PRKCA: variants seen among roughly 807,000 people sequenced by gnomAD.
The protein encoded by PRKCA is protein kinase C alpha type.
A neutral mutation model predicts 87.0 loss-of-function variants in PRKCA; 27 were observed. The observed-to-expected ratio is 0.31, with a 90% confidence interval of 0.23 to 0.43. The LOEUF (loss-of-function observed/expected upper bound fraction) is 0.43, where lower values mean the gene tolerates loss of function less well. Ranked by LOEUF, PRKCA falls within the 20% of genes least tolerant of loss-of-function variation. The pLI is 1.00. For missense variants in PRKCA, 518 were observed against 852.3 expected, an observed-to-expected ratio of 0.61 and a Z score of 4.88; for synonymous variants, 329 against 311.1, an observed-to-expected ratio of 1.06 and a Z score of -0.61.
chr17:66,340,339 T>C (rs1906965654), intron 2 of PRKCA, among the ~76,000 whole-genome samples: 1 of 151,566 alleles, frequency 6.6e-6, no homozygotes, highest in African/African-American at 2.4e-5. Context: ...AGAATCCTGG[T>C]ATTTGAACTG....
chr17:66,533,760 C>T (rs576108647), intron 3 of PRKCA, among the ~76,000 whole-genome samples: 21 of 152,254 alleles, frequency 1.4e-4, no homozygotes, highest in African/African-American at 4.6e-4. Context: ...CTGTTGTTGA[C>T]TCGGGGGAGC....
At chr17:66,777,426 TCC>T in intron 14 of PRKCA, 1 of 194,080 alleles carries the variant, frequency 5.2e-6, no homozygotes, top group Non-Finnish European at 7.1e-6. Context: ...TTAGTTCCCC[TCC>T]CCCCACCCCA....
In PRKCA at chr17:66,456,723, G is replaced by A. The variant is rs149326915; in HGVS notation, c.206-39478G>A. On this transcript the variant is annotated intron_variant, in intron 2 of 16. Coordinates refer to ENST00000413366, the MANE Select transcript of PRKCA (RefSeq NM_002737.3). Reference sequence around the variant, plus strand: ...AGAAAAGACAAAGGCCAAAAAATCCGCTGCACCTACTGGCTTCCCAGATGG... The same window carrying A: ...AGAAAAGACAAAGGCCAAAAAATCCACTGCACCTACTGGCTTCCCAGATGG... 4.6e-3 allele frequency among the ~76,000 whole-genome samples: 694 copies of A among 152,260 alleles called. 9 individuals are homozygous for A. Among genetic ancestry groups the A allele is most frequent in the African/African-American group, 0.014 (596 of 41,556 alleles).
In PRKCA at chr17:66,371,900, C is replaced by T. The variant is rs9896397; in HGVS notation, c.205+65773C>T. Among the ~76,000 whole-genome samples, 168 of 152,296 alleles carry T rather than the reference C, an allele frequency of 1.1e-3. 2 individuals carry two copies. Among genetic ancestry groups the T allele is most frequent in the African/African-American group, 4.0e-3 (165 of 41,570 alleles). ...TACTTGATGCCTGGCGTATTATAGGCGTCTCATATTTTTTGTTAAATTGAA... is the reference window on the plus strand; with the variant it reads ...TACTTGATGCCTGGCGTATTATAGGTGTCTCATATTTTTTGTTAAATTGAA... On this transcript the variant is annotated intron_variant, in intron 2 of 16. Coordinates refer to ENST00000413366, the MANE Select transcript of PRKCA (RefSeq NM_002737.3).
intron 4 of PRKCA, among the ~76,000 whole-genome samples, chr17:66,643,426 A>G (rs1397654292): frequency 6.6e-6 from 1 of 152,238 alleles, no homozygotes; most frequent in Admixed American, 6.5e-5. Flanking sequence ...TTGTGTTTGT[A>G]TCAGAGGGCT....
intron 2 of PRKCA, among the ~76,000 whole-genome samples, chr17:66,313,505 C>T (rs1231376579): frequency 3.3e-5 from 5 of 152,094 alleles, no homozygotes. Flanking sequence ...AGAATATTAT[C>T]CAAGCATCAA....
intron 14 of PRKCA, among the ~76,000 whole-genome samples, chr17:66,782,572 A>G (rs1015129084): frequency 6.6e-6 from 1 of 152,210 alleles, no homozygotes; most frequent in Non-Finnish European, 1.5e-5. Flanking sequence ...CCAGGTCTCT[A>G]GCGCAGAGGC....
intron 3 of PRKCA, among the ~76,000 whole-genome samples, chr17:66,545,889 G>T (rs1342640754): frequency 6.6e-6 from 1 of 152,196 alleles, no homozygotes; most frequent in Non-Finnish European, 1.5e-5. Flanking sequence ...AAGTAAATTA[G>T]ATTTTGTATG....
chr17:66,338,005 C>A (rs1338132166), intron 2 of PRKCA, among the ~76,000 whole-genome samples: 3 of 150,848 alleles, frequency 2.0e-5, no homozygotes, highest in Non-Finnish European at 4.4e-5. Context: ...AATCTTCCCC[C>A]CCCTCCGCCC....
At chr17:66,713,105 G>A (rs549089499) in intron 8 of PRKCA, among the ~76,000 whole-genome samples, 5 of 142,056 alleles carry the variant, frequency 3.5e-5, no homozygotes, top group East Asian at 4.3e-4. Context: ...AGGCTGGAGC[G>A]CAATGGTGCA....
In PRKCA at chr17:66,774,078, G is replaced by A; in HGVS notation, c.1605+11G>A. ...ATGCTTGCCGGGCAGGTAATGTTTT[G>A]CTACATTTTCATGTTTGTTTATTGC... On this transcript the variant is annotated intron_variant, in intron 14 of 16. Coordinates refer to ENST00000413366, the MANE Select transcript of PRKCA (RefSeq NM_002737.3). The A allele has an allele frequency of 6.2e-7, 1 of 1,614,010 alleles. No homozygotes were observed. Among genetic ancestry groups the A allele is most frequent in the Non-Finnish European group, 8.5e-7 (1 of 1,180,002 alleles).
At chr17:66,642,262 TGGG>T in intron 4 of PRKCA, among the ~76,000 whole-genome samples, 1 of 152,134 alleles carries the variant, frequency 6.6e-6, no homozygotes, top group East Asian at 1.9e-4. Flanking sequence ...CCCGAGTAGC[TGGG>T]ACTACAGGCC....
chr17:66,514,708 G>A (rs895806238), intron 3 of PRKCA, among the ~76,000 whole-genome samples: 3 of 152,000 alleles, frequency 2.0e-5, no homozygotes, highest in Non-Finnish European at 2.9e-5. Context: ...CATCCTACCC[G>A]TGCTCCAAGC....
In PRKCA at chr17:66,571,758, C is replaced by T. The variant is rs138691264; in HGVS notation, c.289-69597C>T. 6.1e-3 allele frequency among the ~76,000 whole-genome samples: 925 copies of T among 152,218 alleles called. 6 individuals are homozygous for T. The highest frequency in any genetic ancestry group is 0.017 in the Middle Eastern group (5 of 294). ...TAAAACCTTCCACGGAACCTGAGTC[C>T]GTAGAGCAGATAAAAGACCACTCTG... On this transcript the variant is annotated intron_variant, in intron 3 of 16. Transcript: ENST00000413366.
intron 2 of PRKCA, among the ~76,000 whole-genome samples, chr17:66,315,344 A>G (rs115132469): frequency 1.0e-3 from 152 of 152,256 alleles, no homozygotes; most frequent in African/African-American, 3.4e-3. Flanking sequence ...AGACCTGGGC[A>G]GTATGAGTCC....
At chr17:66,550,628 GAC>G (rs58993456) in intron 3 of PRKCA, among the ~76,000 whole-genome samples, 26,924 of 151,880 alleles carry the variant, frequency 0.18, 2,557 homozygotes, top group African/African-American at 0.24. Context: ...CAGCCTGGGT[GAC>G]AGAGTGAGAC....
At chr17:66,608,708 G>C (rs1171922133) in intron 3 of PRKCA, among the ~76,000 whole-genome samples, 4 of 152,156 alleles carry the variant, frequency 2.6e-5, no homozygotes, top group African/African-American at 7.2e-5. Context: ...CCAGGAATCT[G>C]TTCTCATAAA....
At chr17:66,519,869 T>C (rs1027129339) in intron 3 of PRKCA, among the ~76,000 whole-genome samples, 2 of 152,198 alleles carry the variant, frequency 1.3e-5, no homozygotes, top group African/African-American at 2.4e-5. Context: ...AGACTATGTT[T>C]CTGGGGCCAA....
chr17:66,548,607 G>A (rs758485729), intron 3 of PRKCA, among the ~76,000 whole-genome samples: 1 of 151,924 alleles, frequency 6.6e-6, no homozygotes, highest in Non-Finnish European at 1.5e-5. Flanking sequence ...CCCAATCCCT[G>A]GAACCTGTAA....
Sources: gnomAD v4.1 joint callset for allele counts (sites outside exome capture counted in the v4.1 genomes callset) on GRCh38, gnomAD v4.1.1 for gene constraint, MANE v1.5 for transcripts, NCBI Gene and HGNC (gene_info 2026-07-23, HGNC 2026-07-21) for gene names.